SLX9: variants seen among roughly 807,000 people sequenced by gnomAD.
SLX9 encodes the protein ribosome biogenesis protein SLX9 homolog.
SLX9 carries 19 observed loss-of-function variants against 20.8 expected under a neutral mutation model. That is an observed-to-expected ratio of 0.91 (90% CI 0.64 to 1.34). The LOEUF (loss-of-function observed/expected upper bound fraction) is 1.34, where lower values mean the gene tolerates loss of function less well. Ranked by LOEUF, SLX9 falls within the 40% of genes most tolerant of loss-of-function variation. The pLI is 0.00. For missense variants in SLX9, 299 were observed against 322.2 expected (o/e 0.93, Z 0.55); for synonymous variants, 113 against 137.1 (o/e 0.82, Z 1.23).
intron 3 of SLX9, among the ~76,000 whole-genome samples, chr21:44,965,263 T>C (rs2085013803): frequency 6.6e-6 from 1 of 152,176 alleles, no homozygotes; most frequent in Non-Finnish European, 1.5e-5. Context: ...CCTGGCTGCT[T>C]GGAAGCTGGT....
At chr21:44,945,884 G>A (rs1204688756) in intron 2 of SLX9, among the ~76,000 whole-genome samples, 5 of 152,112 alleles carry the variant, frequency 3.3e-5, no homozygotes, top group Admixed American at 1.3e-4. Flanking sequence ...CCCAGCTAAC[G>A]CCACCACGCC....
intron 4 of SLX9, among the ~76,000 whole-genome samples, chr21:44,971,888 C>A (rs922137513): frequency 1.3e-5 from 2 of 152,134 alleles, no homozygotes; most frequent in African/African-American, 2.4e-5. Flanking sequence ...CGGCAGAGCC[C>A]CTGCAATGAA....
intron 3 of SLX9, among the ~76,000 whole-genome samples, chr21:44,965,060 C>G (rs1441700773): frequency 6.6e-6 from 1 of 152,212 alleles, no homozygotes; most frequent in African/African-American, 2.4e-5. Context: ...TATCCGATAG[C>G]CCTACTTTCT....
At chr21:44,951,915 G>A (rs2084765379) in intron 2 of SLX9, among the ~76,000 whole-genome samples, 1 of 131,716 alleles carries the variant, frequency 7.6e-6, no homozygotes, top group African/African-American at 4.4e-5. Flanking sequence ...ACAGAGACTG[G>A]CCCAGGCGGG....
chr21:44,973,228 C>T lies in SLX9; in HGVS notation c.532C>T (p.Leu178Phe), dbSNP rs762070216. The T allele has an allele frequency of 8.7e-6, 14 of 1,612,960 alleles. No homozygotes were observed. The East Asian group carries it at 1.3e-4, about 15-fold the overall frequency. Residue 178 changes from leucine to phenylalanine, a missense_variant, in exon 5 of 6, where the codon CTC becomes TTC. Transcript: ENST00000291634. Reference protein sequence around the residue: ...RESNKPRPSELSRMSAAQRQQ... With the variant: ...RESNKPRPSEFSRMSAAQRQQ... ...GAGCAACAAGCCCCGGCCCTCAGAGCTCAGCCGGATGAGCGCAGCCCAGAG... is the reference window on the plus strand; with the variant it reads ...GAGCAACAAGCCCCGGCCCTCAGAGTTCAGCCGGATGAGCGCAGCCCAGAG...
In SLX9 at chr21:44,967,017, C is replaced by A; in HGVS notation, c.353-17C>A. Reference sequence around the variant, plus strand: ...TCTGCCTCTTGTTTGCCTCTAACGTCGTTTCTCCTTCCTTAGAAATCGAAG... The same window carrying A: ...TCTGCCTCTTGTTTGCCTCTAACGTAGTTTCTCCTTCCTTAGAAATCGAAG... On this transcript the variant is annotated splice_polypyrimidine_tract_variant and intron_variant, in intron 3 of 5. Coordinates refer to ENST00000291634, the MANE Select transcript of SLX9 (RefSeq NM_058190.4). 1 of 1,601,850 alleles carries A rather than the reference C, an allele frequency of 6.2e-7. No homozygotes were observed. The highest frequency in any genetic ancestry group is 1.1e-5 in the South Asian group (1 of 89,634).
chr21:44,943,152 C>T (rs553485683), intron 1 of SLX9, among the ~76,000 whole-genome samples: 7 of 152,188 alleles, frequency 4.6e-5, no homozygotes, highest in South Asian at 2.1e-4. Context: ...TGTCTCCTCA[C>T]GGTTTGGTCG....
chr21:44,942,874 A>G (rs1040360440), intron 1 of SLX9, among the ~76,000 whole-genome samples: 1 of 152,040 alleles, frequency 6.6e-6, no homozygotes, highest in African/African-American at 2.4e-5. Flanking sequence ...TAAGAATGTC[A>G]CTTACCTTCT....
In SLX9 at chr21:44,959,169, CGCAGCGACT is replaced by C. The variant is rs2084910738; in HGVS notation, c.284-928_284-920del. ...CTGAAGTGAAGTCTGAAATGCAGAG[CGCAGCGACT>C]GCCTTTCTCCAGGCAGGGCTTGCTT... On this transcript the variant is annotated intron_variant, in intron 2 of 5. Transcript: ENST00000291634. 8 of 977,780 alleles carry C rather than the reference CGCAGCGACT, an allele frequency of 8.2e-6. No individual in the cohort carries two copies. The South Asian group carries it at 3.8e-4, about 46-fold the overall frequency. 60.6% of individuals were successfully genotyped at this position (977,780 alleles called of 1,614,324 possible). A position where few individuals can be genotyped will look rare whatever the true frequency, so the allele number is the denominator to read the frequency against.
At chr21:44,958,440 GGAGCAGCTC>G (rs2084897584) in intron 2 of SLX9, 1 of 152,350 alleles carries the variant, frequency 6.6e-6, no homozygotes, top group Admixed American at 6.5e-5. Flanking sequence ...TTTAGAAACC[GGAGCAGCTC>G]GAGCGGACTT....
At chr21:44,944,475 C>G (rs955040064) in intron 2 of SLX9, among the ~76,000 whole-genome samples, 1 of 146,746 alleles carries the variant, frequency 6.8e-6, no homozygotes, top group Non-Finnish European at 1.5e-5. Flanking sequence ...TTAGAGAGTT[C>G]CCGGCCACCA....
rs8126844 is a variant in SLX9 at position 44,960,565 on chromosome 21, G to A, written c.352+397G>A. Among the ~76,000 whole-genome samples, 7 of 152,302 alleles carry A rather than the reference G, an allele frequency of 4.6e-5. No homozygotes were observed. In the East Asian group the frequency reaches 7.7e-4, roughly 17 times the overall value. On this transcript the variant is annotated intron_variant, in intron 3 of 5. Coordinates refer to ENST00000291634, the MANE Select transcript of SLX9 (RefSeq NM_058190.4). ...TTTATTGTGGAAGTAACCTGTGCTC[G>A]TGGAGTTTTTATGGTTCAGAAGTGC...
chr21:44,959,196 G>A (rs2084911160), intron 2 of SLX9: 1 of 985,422 alleles, frequency 1.0e-6, no homozygotes, highest in Non-Finnish European at 1.2e-6. Flanking sequence ...TCCAGGCAGG[G>A]CTTGCTTCTG....
intron 3 of SLX9, 132 bp from the exon 4 acceptor site, chr21:44,966,902 T>G: frequency 1.7e-6 from 2 of 1,166,080 alleles, no homozygotes; most frequent in Non-Finnish European, 2.5e-6. Context: ...AGGGGCGGAA[T>G]GGGGGTGACA....
chr21:44,970,765 C>G (rs992445154), intron 4 of SLX9, among the ~76,000 whole-genome samples: 1 of 152,212 alleles, frequency 6.6e-6, no homozygotes. Context: ...CTGTCTCTCA[C>G]TTCTCCCCTT....
chr21:44,940,924 G>T (rs1377183196), intron 1 of SLX9, among the ~76,000 whole-genome samples: 1 of 152,072 alleles, frequency 6.6e-6, no homozygotes, highest in Non-Finnish European at 1.5e-5. Flanking sequence ...GCTCTGAGGC[G>T]CTGTTCACTC....
chr21:44,967,023 T>C lies in SLX9; in HGVS notation c.353-11T>C. The C allele has an allele frequency of 6.2e-7, 1 of 1,605,500 alleles. No homozygotes were observed. Among genetic ancestry groups the C allele is most frequent in the Non-Finnish European group, 8.5e-7 (1 of 1,176,880 alleles). On this transcript the variant is annotated splice_polypyrimidine_tract_variant and intron_variant, in intron 3 of 5. Transcript: ENST00000291634. ...TCTTGTTTGCCTCTAACGTCGTTTCTCCTTCCTTAGAAATCGAAGCCATAA... is the reference window on the plus strand; with the variant it reads ...TCTTGTTTGCCTCTAACGTCGTTTCCCCTTCCTTAGAAATCGAAGCCATAA...
At chr21:44,974,311 C>T (rs1009527652) in intron 5 of SLX9, among the ~76,000 whole-genome samples, 5 of 151,374 alleles carry the variant, frequency 3.3e-5, no homozygotes, top group East Asian at 1.9e-4. Context: ...TTTGTGAGTT[C>T]GATTATGCTT....
chr21:44,967,288 C>T lies in SLX9; in HGVS notation c.500+107C>T, dbSNP rs559575385. On this transcript the variant is annotated intron_variant, in intron 4 of 5. Transcript: ENST00000291634. ...CGGGCCACGGTGCTTCCTGAGCCTG[C>T]AGAGGCCGAGAGCTGGGGCTCCAGC... 47 of 1,421,398 alleles carry T rather than the reference C, an allele frequency of 3.3e-5. No homozygotes were observed. The African/African-American group carries it at 6.5e-4, about 20-fold the overall frequency. 88.0% of individuals were successfully genotyped at this position (1,421,398 alleles called of 1,614,324 possible).
Sources: gnomAD v4.1 joint callset for allele counts (sites outside exome capture counted in the v4.1 genomes callset) on GRCh38, gnomAD v4.1.1 for gene constraint, MANE v1.5 for transcripts, NCBI Gene and HGNC (gene_info 2026-07-23, HGNC 2026-07-21) for gene names.